PCDH15: variants seen among roughly 807,000 people sequenced by gnomAD.
PCDH15 encodes protocadherin related 15, also known as protocadherin-15.
In PCDH15, 129 loss-of-function variants were observed where a neutral mutation model predicts 178.5. That is an observed-to-expected ratio of 0.72 (90% CI 0.63 to 0.84). The LOEUF is 0.84. Ranked by LOEUF, PCDH15 falls within the 40% of genes least tolerant of loss-of-function variation. PCDH15 has a pLI of 0.00. For synonymous variants in PCDH15, 800 were observed against 732.0 expected (o/e 1.09, Z -1.50); for missense variants, 2,230 against 2,099.9 (o/e 1.06, Z -1.21).
Position 53,981,931 on chromosome 10 carries a change from G to A in PCDH15, c.2868+13718C>T, listed in dbSNP as rs552952653. On this transcript the variant is annotated intron_variant, in intron 21 of 37. Coordinates refer to ENST00000644397, the MANE Select transcript of PCDH15 (RefSeq NM_001384140.1). ...TCACAACCTACTCATCTGACAAAGG[G>A]CTAATATCCAGAATCTACAATGAAC... is the stretch of plus-strand genomic sequence containing the variant. 7.5e-4 allele frequency among the ~76,000 whole-genome samples: 113 copies of A among 151,530 alleles called. 2 individuals are homozygous for A. The East Asian group carries it at 0.021, about 28-fold the overall frequency.
In PCDH15 at chr10:54,796,222, TTATCTATCTATCTATC is replaced by T. The variant is rs59479208; in HGVS notation, c.-29+4687_-29+4702del. Among the ~76,000 whole-genome samples the T allele has an allele frequency of 1.6e-3, 205 of 125,338 alleles. 2 individuals carry two copies. Among genetic ancestry groups the T allele is most frequent in the African/African-American group, 4.8e-3 (158 of 33,006 alleles). The allele number at this position is 125,338 out of a possible 152,430, so 82.2% of individuals were successfully genotyped here. On this transcript the variant is annotated intron_variant, in intron 1 of 37. Coordinates refer to ENST00000644397, the MANE Select transcript of PCDH15 (RefSeq NM_001384140.1). The stretch of plus-strand genomic sequence containing the variant: ...AGGCTCTCTTCTCTGTCTTTCTACA[TTATCTATCTATCTATC>T]TATCTATCTATCTATCTATCTATCT...
At position 54,671,055 on chromosome 10, in the gene PCDH15, G is replaced by GA. The variant is rs1048564696; in HGVS notation, c.-28-6766dup. Among the ~76,000 whole-genome samples, 4 of 152,010 alleles carry GA rather than the reference G, an allele frequency of 2.6e-5. No individual in the cohort carries two copies. The East Asian group carries it at 5.8e-4, about 22-fold the overall frequency. On this transcript the variant is annotated intron_variant, in intron 1 of 37. Transcript: ENST00000644397. ...TCACTATTTGTTAGAAAAGTCATGG[G>GA]AAAAAGCTTAGTTTGAAAGGAGCAA... is the stretch of plus-strand genomic sequence containing the variant.
intron 23 of PCDH15, among the ~76,000 whole-genome samples, chr10:53,945,575 C>A (rs2086470173): frequency 6.6e-6 from 1 of 151,800 alleles, no homozygotes; most frequent in Admixed American, 6.6e-5. Context: ...CCTTCCTACC[C>A]AGCCCCATGT....
At chr10:55,168,612 T>C (rs1174173938) in intron 1 of PCDH15, among the ~76,000 whole-genome samples, 2 of 152,206 alleles carry the variant, frequency 1.3e-5, no homozygotes, top group African/African-American at 4.8e-5. Flanking sequence ...GATTTAGTAA[T>C]ACAGTGGGTG....
rs553138129 is a variant in PCDH15 at position 55,330,013 on chromosome 10, A to G, written c.-155-163362T>C. The stretch of plus-strand genomic sequence containing the variant: ...TCTTTCACTGTAAATGACATAATTG[A>G]CATGTTATGAACTGCCTTTTTATTG... On this transcript the variant is annotated intron_variant, in intron 2 of 5. Transcript: ENST00000613346. Among the ~76,000 whole-genome samples, 11 of 151,930 alleles carry G rather than the reference A, an allele frequency of 7.2e-5. No homozygotes were observed. The South Asian group carries it at 2.3e-3, about 32-fold the overall frequency.
intron 29 of PCDH15, among the ~76,000 whole-genome samples, chr10:53,834,809 C>A (rs768949108): frequency 2.6e-5 from 4 of 152,288 alleles, no homozygotes; most frequent in Middle Eastern, 3.4e-3. Flanking sequence ...ATCTACCCTG[C>A]ATCTCACCTT....
intron 2 of PCDH15, among the ~76,000 whole-genome samples, chr10:54,592,761 T>C (rs1166478095): frequency 6.6e-6 from 1 of 152,166 alleles, no homozygotes; most frequent in Non-Finnish European, 1.5e-5. Flanking sequence ...GTTAAAGGAA[T>C]CTTCATATTG....
At chr10:55,317,105 G>A (rs1843741633) in intron 1 of PCDH15, among the ~76,000 whole-genome samples, 2 of 152,146 alleles carry the variant, frequency 1.3e-5, no homozygotes, top group African/African-American at 4.8e-5. Context: ...CACTGGTTGG[G>A]AACCAGGGGC....
intron 2 of PCDH15, among the ~76,000 whole-genome samples, chr10:55,430,604 C>T (rs1018239314): frequency 1.3e-5 from 2 of 152,000 alleles, no homozygotes; most frequent in African/African-American, 4.8e-5. Flanking sequence ...CCCACGAAGG[C>T]CAGTTATTTT....
chr10:54,842,183 CGTGTGTGT>C (rs35175067), intron 3 of PCDH15, among the ~76,000 whole-genome samples: 3 of 149,960 alleles, frequency 2.0e-5, no homozygotes, highest in African/African-American at 4.9e-5. Context: ...TGTATGTGTG[CGTGTGTGT>C]GTGTGTGTGT....
At chr10:54,447,904 C>T (rs1349598564) in intron 3 of PCDH15, among the ~76,000 whole-genome samples, 1 of 151,530 alleles carries the variant, frequency 6.6e-6, no homozygotes, top group Non-Finnish European at 1.5e-5. Flanking sequence ...TGTGAACTAC[C>T]TAATGTGGAA....
At chr10:55,375,266 G>A (rs1230628756) in intron 2 of PCDH15, among the ~76,000 whole-genome samples, 1 of 151,990 alleles carries the variant, frequency 6.6e-6, no homozygotes, top group East Asian at 1.9e-4. Context: ...ATTTCTTTAA[G>A]GAAAACTTAA....
rs182640545 is a variant in PCDH15, at chr10:54,872,336, G to T, written c.-29+25114C>A. Among the ~76,000 whole-genome samples, 23 of 152,062 alleles carry T rather than the reference G, an allele frequency of 1.5e-4. 1 individual carries two copies. In the East Asian group the frequency reaches 3.7e-3, roughly 24 times the overall value. On this transcript the variant is annotated intron_variant, in intron 3 of 5. Coordinates refer to the PCDH15 transcript ENST00000458638. ...CAGAAAATACTAGAGCTGAATAGCT[G>T]CATAGAAACATTCTGAAAATAAAGG...
At chr10:54,943,204 A>C (rs891065175) in intron 2 of PCDH15, among the ~76,000 whole-genome samples, 4 of 151,954 alleles carry the variant, frequency 2.6e-5, no homozygotes, top group Non-Finnish European at 5.9e-5. Context: ...CTAGAGGAGA[A>C]TGTGTTTCAT....
chr10:55,605,188 T>C (rs1843186202), intron 2 of PCDH15, among the ~76,000 whole-genome samples: 1 of 151,688 alleles, frequency 6.6e-6, no homozygotes, highest in Admixed American at 6.6e-5. Flanking sequence ...CTCCCAAGAC[T>C]AAACCAGGAA....
chr10:55,574,459 A>G (rs1025573400), intron 2 of PCDH15, among the ~76,000 whole-genome samples: 8 of 152,008 alleles, frequency 5.3e-5, no homozygotes, highest in South Asian at 2.1e-4. Flanking sequence ...CTATCAATGA[A>G]TATCACAAAA....
At chr10:54,456,052 C>A (rs932430166) in intron 3 of PCDH15, among the ~76,000 whole-genome samples, 2 of 152,178 alleles carry the variant, frequency 1.3e-5, no homozygotes, top group Non-Finnish European at 2.9e-5. Context: ...GCTGTGGGAG[C>A]AGAGCCTTCA....
At chr10:54,081,725 C>A (rs958020993) in intron 16 of PCDH15, among the ~76,000 whole-genome samples, 3 of 151,862 alleles carry the variant, frequency 2.0e-5, no homozygotes, top group African/African-American at 7.3e-5. Flanking sequence ...ATGCAATACA[C>A]CTTATAAGTT....
intron 1 of PCDH15, among the ~76,000 whole-genome samples, chr10:55,307,494 C>T (rs1480981001): frequency 1.3e-5 from 2 of 149,938 alleles, no homozygotes; most frequent in African/African-American, 4.9e-5. Context: ...CAGAGCAGAG[C>T]GAGACTCCAT....
Sources: gnomAD v4.1 joint callset for allele counts (sites outside exome capture counted in the v4.1 genomes callset) on GRCh38, gnomAD v4.1.1 for gene constraint, MANE v1.5 for transcripts, NCBI Gene and HGNC (gene_info 2026-07-23, HGNC 2026-07-21) for gene names.